RAD51B: variants seen among roughly 807,000 people sequenced by gnomAD.
RAD51B encodes DNA repair protein RAD51 homolog 2.
RAD51B carries 38 observed loss-of-function variants against 42.2 expected under a neutral mutation model. That is an observed-to-expected ratio of 0.90 (90% CI 0.70 to 1.18). RAD51B has a LOEUF of 1.18. Among genes scored for constraint, RAD51B ranks in the 50% most tolerant of loss-of-function variants. The pLI, the probability that RAD51B is intolerant of heterozygous loss-of-function variation, is 0.00. For missense variants in RAD51B, 373 were observed against 400.7 expected, an observed-to-expected ratio of 0.93 and a Z score of 0.59; for synonymous variants, 154 against 145.2, an observed-to-expected ratio of 1.06 and a Z score of -0.43.
intron 7 of RAD51B, among the ~76,000 whole-genome samples, chr14:68,238,735 G>A (rs943667587): frequency 7.2e-5 from 11 of 152,214 alleles, no homozygotes. Flanking sequence ...TCCCTGCGTT[G>A]TGGTCTGTGG....
At chr14:68,531,583 A>T (rs1887310787) in intron 10 of RAD51B, among the ~76,000 whole-genome samples, 1 of 152,244 alleles carries the variant, frequency 6.6e-6, no homozygotes, top group African/African-American at 2.4e-5. Flanking sequence ...AATTCAAAAC[A>T]TGTAAAGCAA....
At chr14:68,135,917 A>G (rs972139938) in intron 7 of RAD51B, among the ~76,000 whole-genome samples, 4 of 152,252 alleles carry the variant, frequency 2.6e-5, no homozygotes, top group African/African-American at 9.6e-5. Flanking sequence ...ACCATATTCT[A>G]TAAAAAGAGA....
intron 7 of RAD51B, among the ~76,000 whole-genome samples, chr14:68,220,222 A>C (rs968299609): frequency 2.6e-5 from 4 of 152,232 alleles, no homozygotes; most frequent in African/African-American, 9.6e-5. Flanking sequence ...TGGTGTTCCC[A>C]AGAAAGAAGA....
intron 7 of RAD51B, among the ~76,000 whole-genome samples, chr14:68,026,823 T>G (rs1199432343): frequency 6.6e-6 from 1 of 152,180 alleles, no homozygotes; most frequent in Non-Finnish European, 1.5e-5. Context: ...TTACATGGGA[T>G]GTTCAGCTCA....
chr14:68,509,466 G>C (rs936211412), intron 10 of RAD51B, among the ~76,000 whole-genome samples: 1 of 152,190 alleles, frequency 6.6e-6, no homozygotes, highest in Non-Finnish European at 1.5e-5. Flanking sequence ...GGGTTGTCAG[G>C]GCAAGTACTT....
chr14:67,997,167 T>C (rs2075399136), intron 7 of RAD51B, among the ~76,000 whole-genome samples: 1 of 152,166 alleles, frequency 6.6e-6, no homozygotes, highest in Admixed American at 6.5e-5. Flanking sequence ...CATTGGAAGT[T>C]AATTTGGGAG....
At chr14:68,455,069 A>G (rs923529399) in intron 9 of RAD51B, among the ~76,000 whole-genome samples, 2 of 152,120 alleles carry the variant, frequency 1.3e-5, no homozygotes, top group Non-Finnish European at 2.9e-5. Context: ...ACACACACAC[A>G]GGCTGAAAGA....
intron 8 of RAD51B, among the ~76,000 whole-genome samples, chr14:68,407,471 G>A (rs2084308981): frequency 6.6e-6 from 1 of 152,200 alleles, no homozygotes; most frequent in African/African-American, 2.4e-5. Flanking sequence ...GTGCTATGAT[G>A]TTACCATTGC....
chr14:67,976,952 A>C (rs1047675628), intron 7 of RAD51B, among the ~76,000 whole-genome samples: 4 of 152,214 alleles, frequency 2.6e-5, no homozygotes, highest in Non-Finnish European at 4.4e-5. Flanking sequence ...GGAGCCAAAA[A>C]ACACATGAAA....
In RAD51B at chr14:68,108,062, G is replaced by A. The variant is rs980584603; in HGVS notation, c.757-183822G>A. Reference sequence around the variant, plus strand: ...AAGATGATGTGCAAATGGCCAATAAGCACATGAAAATATGCTCAACAGCAT... The same window carrying A: ...AAGATGATGTGCAAATGGCCAATAAACACATGAAAATATGCTCAACAGCAT... On this transcript the variant is annotated intron_variant, in intron 7 of 10. Transcript: ENST00000471583. 2.6e-5 allele frequency among the ~76,000 whole-genome samples: 4 copies of A among 151,674 alleles called. No homozygotes were observed. The South Asian group carries it at 8.3e-4, about 31-fold the overall frequency.
intron 7 of RAD51B, among the ~76,000 whole-genome samples, chr14:68,060,145 G>C (rs1223334020): frequency 6.6e-6 from 1 of 152,048 alleles, no homozygotes; most frequent in South Asian, 2.1e-4. Context: ...TTTAAAATGA[G>C]GTGACTGGAG....
intron 10 of RAD51B, among the ~76,000 whole-genome samples, chr14:68,625,897 T>C (rs1438653324): frequency 1.3e-5 from 2 of 152,220 alleles, no homozygotes; most frequent in African/African-American, 4.8e-5. Context: ...TTCTTGGCCC[T>C]GGTCTCCTTC....
downstream of RAD51B, among the ~76,000 whole-genome samples, chr14:68,596,554 G>A (rs1891007174): frequency 6.6e-6 from 1 of 152,012 alleles, no homozygotes; most frequent in Admixed American, 6.6e-5. Flanking sequence ...GCTTTTTTTT[G>A]TCTGGCTCAT....
At chr14:67,920,295 T>C (rs1490710777) in intron 7 of RAD51B, among the ~76,000 whole-genome samples, 1 of 152,190 alleles carries the variant, frequency 6.6e-6, no homozygotes, top group Non-Finnish European at 1.5e-5. Context: ...TCTTGTTGAA[T>C]TTTTTTCAAC....
chr14:67,881,176 T>C (rs2042895016), intron 5 of RAD51B, among the ~76,000 whole-genome samples: 1 of 152,230 alleles, frequency 6.6e-6, no homozygotes, highest in African/African-American at 2.4e-5. Flanking sequence ...GGACCACTGT[T>C]GTATAAGTGA....
chr14:68,124,748 T>A (rs1721654641), intron 7 of RAD51B, among the ~76,000 whole-genome samples: 1 of 151,962 alleles, frequency 6.6e-6, no homozygotes, highest in Non-Finnish European at 1.5e-5. Flanking sequence ...GGTCAGGAGT[T>A]TGAGACCAGC....
At chr14:68,675,492 A>G (rs980962409) in intron 11 of RAD51B, among the ~76,000 whole-genome samples, 2 of 152,176 alleles carry the variant, frequency 1.3e-5, no homozygotes, top group African/African-American at 4.8e-5. Context: ...AAGTGCTAAG[A>G]GAAGGCCTGG....
intron 7 of RAD51B, among the ~76,000 whole-genome samples, chr14:68,086,235 G>A (rs1457273059): frequency 6.6e-6 from 1 of 152,172 alleles, no homozygotes; most frequent in African/African-American, 2.4e-5. Flanking sequence ...TCCAACGACT[G>A]CCCCAGCCAA....
At chr14:68,352,904 C>T (rs749123024) in intron 8 of RAD51B, among the ~76,000 whole-genome samples, 14 of 152,096 alleles carry the variant, frequency 9.2e-5, no homozygotes, top group East Asian at 1.9e-4. Context: ...GGGTCTGGCA[C>T]GGTCGGGGGA....
Sources: gnomAD v4.1 joint callset for allele counts (sites outside exome capture counted in the v4.1 genomes callset) on GRCh38, gnomAD v4.1.1 for gene constraint, MANE v1.5 for transcripts, NCBI Gene and HGNC (gene_info 2026-07-23, HGNC 2026-07-21) for gene names.